Variants in FAT3 observed in about 807,000 individuals in gnomAD.
FAT3 encodes protocadherin Fat 3.
FAT3 carries 95 observed loss-of-function variants against 310.2 expected under a neutral mutation model. The observed-to-expected ratio is 0.31, with a 90% CI of 0.26 to 0.36. The LOEUF (loss-of-function observed/expected upper bound fraction) is 0.36, where lower values mean the gene tolerates loss of function less well. FAT3 is among the 10% of genes least tolerant of loss of function. FAT3 has a pLI of 1.00. For synonymous variants in FAT3, 2,314 were observed against 2,192.9 expected (o/e 1.06, Z -1.54); for missense variants, 5,408 against 5,715.6 (o/e 0.95, Z 1.74).
intron 2 of FAT3, among the ~76,000 whole-genome samples, chr11:92,501,883 G>A (rs1952950423): frequency 6.6e-6 from 1 of 151,856 alleles, no homozygotes. Flanking sequence ...AGTGACCTCT[G>A]TGCCCACATG....
chr11:92,844,945 C>T (rs928305114), intron 19 of FAT3, among the ~76,000 whole-genome samples: 5 of 152,198 alleles, frequency 3.3e-5, no homozygotes, highest in Non-Finnish European at 7.3e-5. Context: ...GACAAACAGG[C>T]GAGCCTATTT....
intron 1 of FAT3, among the ~76,000 whole-genome samples, chr11:92,250,368 G>A (rs1388150806): frequency 5.3e-5 from 8 of 151,976 alleles, no homozygotes; most frequent in African/African-American, 1.9e-4. Context: ...TAACATCTAA[G>A]CATTTTTATT....
chr11:92,340,478 G>A (rs4424642), intron 1 of FAT3, among the ~76,000 whole-genome samples: 54,622 of 152,068 alleles, frequency 0.36, 14,218 homozygotes, highest in African/African-American at 0.74. Flanking sequence ...GAGTTCATAT[G>A]CATTCATGTT....
chr11:92,818,868 C>T (rs1947889001), intron 13 of FAT3, among the ~76,000 whole-genome samples: 1 of 152,170 alleles, frequency 6.6e-6, no homozygotes, highest in Non-Finnish European at 1.5e-5. Context: ...TCCTGATTAT[C>T]CCGACAGAGA....
chr11:92,262,975 C>A (rs1314325321), intron 1 of FAT3, among the ~76,000 whole-genome samples: 3 of 151,936 alleles, frequency 2.0e-5, no homozygotes, highest in African/African-American at 7.3e-5. Flanking sequence ...TCATAATAAT[C>A]TTTCAGTTTT....
chr11:92,366,965 G>GT (rs1424864009), intron 2 of FAT3: 2 of 526,604 alleles, frequency 3.8e-6, no homozygotes, highest in African/African-American at 3.8e-5. Flanking sequence ...ATTGACTCTG[G>GT]TCAGACACCC....
At chr11:92,723,930 C>T (rs928642836) in intron 4 of FAT3, among the ~76,000 whole-genome samples, 1 of 152,202 alleles carries the variant, frequency 6.6e-6, no homozygotes, top group Non-Finnish European at 1.5e-5. Flanking sequence ...TATCACCAAT[C>T]ATCAGGTATT....
chr11:92,625,898 C>T (rs1453203336), intron 3 of FAT3, among the ~76,000 whole-genome samples: 1 of 152,212 alleles, frequency 6.6e-6, no homozygotes, highest in Non-Finnish European at 1.5e-5. Flanking sequence ...TCACATTGGA[C>T]AGGGTGACTT....
rs187479129 is a variant in FAT3 at position 92,763,306 on chromosome 11, C to T, written c.3984+1136C>T. Reference sequence around the variant, plus strand: ...CTAGACGTGGGCTCCTTGCTGTGCTCGGTTATGTGTCCAGAACAGTGGGCA... The same window carrying T: ...CTAGACGTGGGCTCCTTGCTGTGCTTGGTTATGTGTCCAGAACAGTGGGCA... On this transcript the variant is annotated intron_variant, in intron 5 of 27. Coordinates refer to ENST00000525166, the MANE Select transcript of FAT3 (RefSeq NM_001367949.2). Among the ~76,000 whole-genome samples, 91 of 152,092 alleles carry T rather than the reference C, an allele frequency of 6.0e-4. 1 individual carries two copies. Among genetic ancestry groups the T allele is most frequent in the African/African-American group, 2.0e-3 (82 of 41,496 alleles).
intron 3 of FAT3, among the ~76,000 whole-genome samples, chr11:92,619,209 C>T (rs944284199): frequency 6.6e-6 from 1 of 152,112 alleles, no homozygotes; most frequent in Non-Finnish European, 1.5e-5. Context: ...TGTTGTATAA[C>T]CTTTTTTATT....
At position 92,801,328 on chromosome 11, in the gene FAT3, A is replaced by C; in HGVS notation, c.8315A>C (p.Asp2772Ala). ...ACTATTAAGCTTGACAAACGCCTTG[A>C]CCGTGAAACCAGCCCAGCTTTCCAC... Reference protein sequence around the residue: ...TGTIKLDKRLDRETSPAFHFK... With the variant: ...TGTIKLDKRLARETSPAFHFK... The change falls in exon 10 of 28, where the codon GAC becomes GCC. Residue 2772 changes from aspartate to alanine, a missense_variant. Asp to Ala is a moderately radical substitution (Grantham distance 126, BLOSUM62 -2). Transcript: ENST00000525166. The C allele has an allele frequency of 6.2e-7, 1 of 1,613,996 alleles. No individual in the cohort carries two copies. Among genetic ancestry groups the C allele is most frequent in the Non-Finnish European group, 8.5e-7 (1 of 1,179,886 alleles).
chr11:92,790,712 A>G (rs1396742241), intron 8 of FAT3, among the ~76,000 whole-genome samples: 2 of 152,216 alleles, frequency 1.3e-5, no homozygotes, highest in Admixed American at 1.3e-4. Context: ...AGATCTCAAT[A>G]CATGCTCAAG....
At chr11:92,577,247 T>G (rs7944231) in intron 3 of FAT3, among the ~76,000 whole-genome samples, 1,968 of 151,982 alleles carry the variant, frequency 0.013, 33 homozygotes, top group African/African-American at 0.034. Flanking sequence ...TAGCTGGGAT[T>G]ACAGGCGGTC....
chr11:92,366,899 G>A, intron 2 of FAT3: 2 of 533,494 alleles, frequency 3.7e-6, no homozygotes, highest in Non-Finnish European at 7.5e-6. Flanking sequence ...GACATCACAG[G>A]TGCACCTCCA....
At chr11:92,839,832 AG>A (rs1330108496) in intron 17 of FAT3, among the ~76,000 whole-genome samples, 3 of 152,214 alleles carry the variant, frequency 2.0e-5, no homozygotes, top group Non-Finnish European at 2.9e-5. Flanking sequence ...CTTTGACCCA[AG>A]AAGGAGCTTT....
chr11:92,268,470 CT>C (rs11359061), intron 1 of FAT3, among the ~76,000 whole-genome samples: 23,617 of 145,596 alleles, frequency 0.16, 1,890 homozygotes, highest in East Asian at 0.32. Context: ...TATAGATTTC[CT>C]TTTTTTTTTT....
chr11:92,567,817 A>G (rs1017187346), intron 3 of FAT3, among the ~76,000 whole-genome samples: 6 of 148,884 alleles, frequency 4.0e-5, no homozygotes, highest in Non-Finnish European at 8.9e-5. Context: ...ATTCTCACTC[A>G]TAGGTGGGAA....
At chr11:92,522,386 G>T (rs1323217166) in intron 2 of FAT3, among the ~76,000 whole-genome samples, 1 of 152,124 alleles carries the variant, frequency 6.6e-6, no homozygotes, top group African/African-American at 2.4e-5. Flanking sequence ...CTCCTTCTCT[G>T]GTTCTTAATG....
chr11:92,431,758 C>A lies in FAT3; in HGVS notation c.3292+76354C>A, dbSNP rs533060090. On this transcript the variant is annotated intron_variant, in intron 2 of 27. Transcript: ENST00000525166. ...TAGCACCATTTATTAAATAGGGAATCCTTTCCCCATTGCTTGTTTTTTTCA... is the reference window on the plus strand; with the variant it reads ...TAGCACCATTTATTAAATAGGGAATACTTTCCCCATTGCTTGTTTTTTTCA... 5.9e-5 allele frequency among the ~76,000 whole-genome samples: 9 copies of A among 152,240 alleles called. No individual in the cohort carries two copies. In the East Asian group the frequency reaches 1.7e-3, roughly 29 times the overall value.
Sources: gnomAD v4.1 joint callset for allele counts (sites outside exome capture counted in the v4.1 genomes callset) on GRCh38, gnomAD v4.1.1 for gene constraint, MANE v1.5 for transcripts, NCBI Gene and HGNC (gene_info 2026-07-23, HGNC 2026-07-21) for gene names.